The following RETREG1 variants were observed in gnomAD, a reference collection of about 807,000 sequenced individuals.
RETREG1 encodes reticulophagy regulator 1.
In RETREG1, 44 loss-of-function variants were observed where a neutral mutation model predicts 54.8. The observed-to-expected ratio is 0.80, with a 90% CI of 0.63 to 1.03. The LOEUF (loss-of-function observed/expected upper bound fraction) is 1.03, where lower values mean the gene tolerates loss of function less well. RETREG1 is among the 50% of genes least tolerant of loss of function. The probability of loss-of-function intolerance (pLI) is 0.00; values close to 1 mark genes in which losing one functional copy is unlikely to be tolerated. For missense variants in RETREG1, 554 were observed against 605.1 expected (o/e 0.92, Z 0.89); for synonymous variants, 217 against 238.5 (o/e 0.91, Z 0.83).
At chr5:16,505,727 G>A (rs2441103) in intron 3 of RETREG1, among the ~76,000 whole-genome samples, 92,169 of 151,830 alleles carry the variant, frequency 0.61, 28,080 homozygotes, top group East Asian at 0.86. Context: ...CCCAGGCCCC[G>A]GCTCCAAGGT....
intron 1 of RETREG1, among the ~76,000 whole-genome samples, chr5:16,605,129 A>C (rs1048588531): frequency 6.6e-6 from 1 of 152,196 alleles, no homozygotes; most frequent in East Asian, 1.9e-4. Context: ...AGTGTAATCT[A>C]GCATTTTCCC....
At chr5:16,541,581 G>A (rs1168130242) in intron 3 of RETREG1, among the ~76,000 whole-genome samples, 2 of 152,124 alleles carry the variant, frequency 1.3e-5, no homozygotes, top group African/African-American at 4.8e-5. Flanking sequence ...CAGCTACTCA[G>A]GAGGCTGAGG....
rs572326333 is a variant in RETREG1 at position 16,598,831 on chromosome 5, C to T, written c.320+17821G>A. On this transcript the variant is annotated intron_variant, in intron 1 of 8. Transcript: ENST00000306320. ...GATCAAGGTAGGCTGAAGACACCTA[C>T]GATTTAGAGTTTGATACTGGGGCAT... 8.5e-5 allele frequency among the ~76,000 whole-genome samples: 13 copies of T among 152,194 alleles called. No individual in the cohort carries two copies. In the South Asian group the frequency reaches 1.7e-3, roughly 19 times the overall value.
In RETREG1 at chr5:16,473,591, C is replaced by CACA. The variant is rs942682207; in HGVS notation, c.*1147_*1149dup. On this transcript the variant is annotated 3_prime_UTR_variant, in exon 9 of 9. Transcript: ENST00000306320. ...GTCCCTCGACACTTAAAGTTTATAT[C>CACA]ACAAAAACAAAACTAGGTTGGTTTC... 6.6e-6 allele frequency: 1 copy of CACA among 152,436 alleles called. No homozygotes were observed. Among genetic ancestry groups the CACA allele is most frequent in the Admixed American group, 6.6e-5 (1 of 15,252 alleles). 9.4% of individuals were successfully genotyped at this position (152,436 alleles called of 1,614,324 possible).
chr5:16,524,662 A>G (rs1488409104), intron 3 of RETREG1, among the ~76,000 whole-genome samples: 16 of 152,244 alleles, frequency 1.1e-4, no homozygotes, highest in Non-Finnish European at 2.4e-4. Context: ...TGAAATCACA[A>G]GTTGTGTTGA....
intron 3 of RETREG1, among the ~76,000 whole-genome samples, chr5:16,547,326 G>A (rs1298443395): frequency 6.6e-6 from 1 of 152,162 alleles, no homozygotes; most frequent in Non-Finnish European, 1.5e-5. Context: ...TCAGGCCCAA[G>A]ATAAGAGCTA....
intron 3 of RETREG1, among the ~76,000 whole-genome samples, chr5:16,502,982 C>T (rs2126553839): frequency 6.6e-6 from 1 of 152,300 alleles, no homozygotes; most frequent in East Asian, 1.9e-4. Flanking sequence ...AAGGACAGAC[C>T]CTCCCCATGG....
rs1392131725 is a variant in RETREG1 at position 16,585,108 on chromosome 5, A to G, written c.321-13006T>C. Among the ~76,000 whole-genome samples, 2 of 152,174 alleles carry G rather than the reference A, an allele frequency of 1.3e-5. No homozygotes were observed. Among genetic ancestry groups the G allele is most frequent in the African/African-American group, 2.4e-5 (1 of 41,436 alleles). On this transcript the variant is annotated intron_variant, in intron 1 of 8. Coordinates refer to ENST00000306320, the MANE Select transcript of RETREG1 (RefSeq NM_001034850.3). The surrounding 1 kb of genome is among the most constrained non-coding windows in gnomAD (Gnocchi z 4.5). ...AAAGAGATGAGAAATTCTGGAAGAT[A>G]TCAATCACAGGGAAATGGTGGGTAG...
chr5:16,494,359 G>A (rs1739366570), intron 3 of RETREG1, among the ~76,000 whole-genome samples: 1 of 152,206 alleles, frequency 6.6e-6, no homozygotes, highest in South Asian at 2.1e-4. Context: ...GTTTGAATCT[G>A]TGTCCCCACC....
intron 3 of RETREG1, chr5:16,508,460 C>T: frequency 1.0e-6 from 1 of 988,876 alleles, no homozygotes; most frequent in South Asian, 1.4e-5. Context: ...TAAAGGACTG[C>T]ATTCTTCATA....
Position 16,573,735 on chromosome 5 carries a change from G to GTTTTTTT in RETREG1, c.321-1634_321-1633insAAAAAAA, listed in dbSNP as rs3993826. On this transcript the variant is annotated intron_variant, in intron 1 of 8. Transcript: ENST00000306320. ...TTTAATTGGTTTTTTGGGTTTGTTT[G>GTTTTTTT]TTTTTTGTTTTTTTTTTTTTTTTTT... is the stretch of plus-strand genomic sequence containing the variant. Among the ~76,000 whole-genome samples the GTTTTTTT allele has an allele frequency of 2.3e-3, 277 of 122,122 alleles. 23 individuals carry two copies. The highest frequency in any genetic ancestry group is 3.2e-3 in the Non-Finnish European group (189 of 58,224). The allele number at this position is 122,122 out of a possible 152,430, so 80.1% of individuals were successfully genotyped here. A position where few individuals can be genotyped will look rare whatever the true frequency, so the allele number is the denominator to read the frequency against.
At chr5:16,492,066 C>T (rs997154498) in intron 3 of RETREG1, among the ~76,000 whole-genome samples, 4 of 152,106 alleles carry the variant, frequency 2.6e-5, no homozygotes, top group African/African-American at 9.7e-5. Context: ...CAGTAGAGAA[C>T]AGAACTGGGC....
intron 1 of RETREG1, among the ~76,000 whole-genome samples, chr5:16,583,142 A>G (rs763900723): frequency 1.3e-4 from 20 of 152,058 alleles, no homozygotes; most frequent in Non-Finnish European, 2.2e-4. Context: ...AAGTGAAGGT[A>G]CTCGAGTGAC....
chr5:16,518,211 A>AATAT (rs1199434053), intron 3 of RETREG1, among the ~76,000 whole-genome samples: 1 of 147,988 alleles, frequency 6.8e-6, no homozygotes, highest in African/African-American at 2.5e-5. Flanking sequence ...AATATATGTA[A>AATAT]ATATATTGAC....
intron 1 of RETREG1, among the ~76,000 whole-genome samples, chr5:16,580,458 A>G (rs154244): frequency 0.84 from 127,500 of 152,194 alleles, 53,683 homozygotes; most frequent in Non-Finnish European, 0.9. Flanking sequence ...AAATTACTTT[A>G]AAGTATGTAA....
chr5:16,528,608 A>C (rs1366374944), intron 3 of RETREG1, among the ~76,000 whole-genome samples: 1 of 152,196 alleles, frequency 6.6e-6, no homozygotes, highest in East Asian at 1.9e-4. Context: ...CTGGAGACAA[A>C]GCCAAGAGGG....
intron 8 of RETREG1, among the ~76,000 whole-genome samples, chr5:16,477,032 AG>A (rs1220973557): frequency 6.6e-6 from 1 of 152,210 alleles, no homozygotes; most frequent in African/African-American, 2.4e-5. Flanking sequence ...AATGAGGACT[AG>A]GCCTAAATGT....
Position 16,616,877 on chromosome 5 carries a change from G to T in RETREG1, c.95C>A (p.Ala32Glu). Residue 32 changes from alanine (A) to glutamate (E), a missense_variant, in exon 1 of 9, where the codon GCA becomes GAA. Around this residue, in one of 4 missense-constraint regions of RETREG1, gnomAD observed 175 missense variants for 142.1 expected, o/e 1.23. Coordinates refer to ENST00000306320, the MANE Select transcript of RETREG1 (RefSeq NM_001034850.3). Reference sequence around the variant, plus strand: ...CTGCTGCTGCCGCTCTGCGGGGGATGCCTGGGGCGGTGGCGGCGACGGCGG... The same window carrying T: ...CTGCTGCTGCCGCTCTGCGGGGGATTCCTGGGGCGGTGGCGGCGACGGCGG... ...QAPPSPPPPQ[A>E]SPAERQQQEE... is the part of the protein sequence containing the mutation. 1.3e-6 allele frequency: 2 copies of T among 1,489,084 alleles called. No homozygotes were observed. The highest frequency in any genetic ancestry group is 2.5e-5 in the South Asian group (2 of 79,314). 92.2% of individuals were successfully genotyped at this position (1,489,084 alleles called of 1,614,324 possible).
intron 3 of RETREG1, among the ~76,000 whole-genome samples, chr5:16,517,392 T>C (rs577817356): frequency 6.6e-6 from 1 of 152,250 alleles, no homozygotes; most frequent in Non-Finnish European, 1.5e-5. Context: ...TTTATTATTG[T>C]ATCTCAGCAA....
Sources: allele counts gnomAD v4.1 joint callset (sites outside exome capture counted in the v4.1 genomes callset), GRCh38; gene constraint gnomAD v4.1.1; regional missense constraint gnomAD v4.1.1; non-coding constraint Gnocchi (gnomAD v3.1); transcripts MANE v1.5; gene names NCBI Gene and HGNC (gene_info 2026-07-23, HGNC 2026-07-21).